ATAD3C: variants seen among roughly 807,000 people sequenced by gnomAD.
The protein encoded by ATAD3C is ATPase family AAA domain containing 3C, also known as ATPase family AAA domain-containing protein 3C.
In ATAD3C, 38 loss-of-function variants were observed where a neutral mutation model predicts 46.3. That is an observed-to-expected ratio of 0.82 (90% CI 0.63 to 1.08). The LOEUF (loss-of-function observed/expected upper bound fraction) is 1.08. Ranked by LOEUF, ATAD3C falls within the 50% of genes least tolerant of loss-of-function variation. ATAD3C has a pLI of 0.00. For synonymous variants in ATAD3C, 220 were observed against 236.4 expected (o/e 0.93, Z 0.63); for missense variants, 563 against 572.7 (o/e 0.98, Z 0.17).
chr1:1,459,780 G>T lies in ATAD3C; in HGVS notation c.812+549G>T, dbSNP rs935427245. On this transcript the variant is annotated intron_variant, in intron 9 of 11. Transcript: ENST00000378785. The surrounding 1 kb of genome is among the most constrained non-coding windows in gnomAD (Gnocchi z 4.9). ...CTGCCGCCCAGATGTCCCCCATAGG[G>T]TGACCGCCCCATGGCCAGTCTCCCT... 6.6e-6 allele frequency among the ~76,000 whole-genome samples: 1 copy of T among 152,030 alleles called. No individual in the cohort carries two copies. The highest frequency in any genetic ancestry group is 2.4e-5 in the African/African-American group (1 of 41,410).
rs182444317 is a variant in ATAD3C, at chr1:1,457,118, C to G, written c.690-11C>G. ...CACTCTCACCCAGCTTGGCCTCCCT[C>G]TCGTCCACAGCCTCCTGCTCTTTGT... On this transcript the variant is annotated splice_polypyrimidine_tract_variant and intron_variant, in intron 7 of 11. Coordinates refer to ENST00000378785, the MANE Select transcript of ATAD3C (RefSeq NM_001039211.3). 230 of 1,613,414 alleles carry G rather than the reference C, an allele frequency of 1.4e-4. No individual in the cohort carries two copies. In the African/African-American group the frequency reaches 2.5e-3, roughly 18 times the overall value.
intron 1 of ATAD3C, among the ~76,000 whole-genome samples, chr1:1,451,787 A>C (rs1695859): frequency 0.39 from 58,877 of 151,818 alleles, 15,893 homozygotes; most frequent in East Asian, 0.99. Flanking sequence ...GAGGTCGGCC[A>C]GCAGTGGCCC....
At chr1:1,467,470 T>G (rs1025471512) in intron 11 of ATAD3C, among the ~76,000 whole-genome samples, 1 of 151,836 alleles carries the variant, frequency 6.6e-6, no homozygotes, top group Non-Finnish European at 1.5e-5. Context: ...TGGCTCTTGG[T>G]GAGGGATGGG....
chr1:1,457,622 A>AAAAAAAAAG (rs1638988515), intron 8 of ATAD3C, among the ~76,000 whole-genome samples: 1 of 150,240 alleles, frequency 6.7e-6, no homozygotes, highest in African/African-American at 2.5e-5. Flanking sequence ...AAACAAAAAA[A>AAAAAAAAAG]ACAGCATTTT....
At chr1:1,463,352 C>T (rs138632088) in intron 11 of ATAD3C, among the ~76,000 whole-genome samples, 2 of 152,224 alleles carry the variant, frequency 1.3e-5, no homozygotes, top group East Asian at 1.9e-4. Flanking sequence ...GCACAGGCAT[C>T]GCTGCCTCTG....
At chr1:1,456,092 C>T (rs368548000) in intron 6 of ATAD3C, 133 bp from the exon 7 acceptor site, 34 of 1,415,624 alleles carry the variant, frequency 2.4e-5, no homozygotes, top group African/African-American at 1.6e-4. Context: ...AGGCGGGGGA[C>T]GTCTCCTGTC....
chr1:1,454,588 G>C (rs568682829), intron 4 of ATAD3C, 88 bp downstream of exon 4: 6 of 1,489,836 alleles, frequency 4.0e-6, no homozygotes, highest in Admixed American at 4.5e-5. Flanking sequence ...ATATACTCCT[G>C]TCCCTTCCCT....
At chr1:1,466,723 G>T (rs185145802) in intron 11 of ATAD3C, among the ~76,000 whole-genome samples, 1 of 151,926 alleles carries the variant, frequency 6.6e-6, no homozygotes, top group Admixed American at 6.6e-5. Context: ...AATAAATCCT[G>T]CTTGGTCAGG....
intron 7 of ATAD3C, among the ~76,000 whole-genome samples, 200 bp from the exon 8 acceptor site, chr1:1,456,929 A>G (rs551636710): frequency 7.0e-4 from 106 of 151,818 alleles, no homozygotes; most frequent in African/African-American, 1.8e-3. Context: ...CACTGGGCTG[A>G]GTGGGGGTGA....
At position 1,469,266 on chromosome 1, in the gene ATAD3C, A is replaced by G. The variant is rs946778510; in HGVS notation, c.*736A>G. The G allele has an allele frequency of 1.3e-5, 2 of 149,116 alleles. No individual in the cohort carries two copies. Among genetic ancestry groups the G allele is most frequent in the African/African-American group, 5.0e-5 (2 of 40,270 alleles). 9.2% of individuals were successfully genotyped at this position (149,116 alleles called of 1,614,324 possible). A position where few individuals can be genotyped will look rare whatever the true frequency, so the allele number is the denominator to read the frequency against. ...ATGGAATTGCACTGCAGCATGGGCAACAAGAGTCAAACTCCCTCTAAAAAA... is the reference window on the plus strand; with the variant it reads ...ATGGAATTGCACTGCAGCATGGGCAGCAAGAGTCAAACTCCCTCTAAAAAA... On this transcript the variant is annotated 3_prime_UTR_variant, in exon 12 of 12. Coordinates refer to ENST00000378785, the MANE Select transcript of ATAD3C (RefSeq NM_001039211.3).
In ATAD3C at chr1:1,450,392, T is replaced by C. The variant is rs1638834446; in HGVS notation, c.-292T>C. The C allele has an allele frequency of 2.7e-6, 1 of 371,230 alleles. No homozygotes were observed. The highest frequency in any genetic ancestry group is 5.0e-5 in the South Asian group (1 of 19,818). The allele number at this position is 371,230 out of a possible 1,614,324, so 23.0% of individuals were successfully genotyped here. A position where few individuals can be genotyped will look rare whatever the true frequency, so the allele number is the denominator to read the frequency against. The stretch of plus-strand genomic sequence containing the variant: ...ACTTTAGCCATCGCCTGACTTTCTG[T>C]TGAATTGGGAAAGAGCCTCCTCCCG... On this transcript the variant is annotated 5_prime_UTR_variant, in exon 1 of 12. Transcript: ENST00000378785.
At position 1,457,189 on chromosome 1, in the gene ATAD3C, C is replaced by T. The variant is rs1638977319; in HGVS notation, c.741+9C>T. On this transcript the variant is annotated intron_variant, in intron 8 of 11. Coordinates refer to ENST00000378785, the MANE Select transcript of ATAD3C (RefSeq NM_001039211.3). Reference sequence around the variant, plus strand: ...TTCGGAAGCGAGCCACTGTGAGTGTCACTAAGCCTCTGTCTGGCCACAGGA... The same window carrying T: ...TTCGGAAGCGAGCCACTGTGAGTGTTACTAAGCCTCTGTCTGGCCACAGGA... 1 of 1,613,388 alleles carries T rather than the reference C, an allele frequency of 6.2e-7. No homozygotes were observed. The highest frequency in any genetic ancestry group is 1.3e-5 in the African/African-American group (1 of 74,914).
chr1:1,466,589 G>A (rs1256449228), intron 11 of ATAD3C, among the ~76,000 whole-genome samples: 1 of 149,932 alleles, frequency 6.7e-6, no homozygotes, highest in Non-Finnish European at 1.5e-5. Context: ...TCCTGCAACA[G>A]TTGAGAGGGT....
chr1:1,460,393 A>G (rs1639035249), intron 9 of ATAD3C, among the ~76,000 whole-genome samples: 2 of 151,964 alleles, frequency 1.3e-5, no homozygotes, highest in South Asian at 2.1e-4. Flanking sequence ...CGTGGCCACA[A>G]TCTTGACATG....
chr1:1,467,201 C>G (rs758264263), intron 11 of ATAD3C, among the ~76,000 whole-genome samples: 3 of 152,076 alleles, frequency 2.0e-5, no homozygotes, highest in Non-Finnish European at 4.4e-5. Context: ...CCCGTGCTTC[C>G]TGGAGGGGTG....
Position 1,459,339 on chromosome 1 carries a change from G to A in ATAD3C, c.812+108G>A. 1 of 1,566,354 alleles carries A rather than the reference G, an allele frequency of 6.4e-7. No individual in the cohort carries two copies. The highest frequency in any genetic ancestry group is 2.0e-5 in the Admixed American group (1 of 51,094). On this transcript the variant is annotated intron_variant, in intron 9 of 11. Coordinates refer to ENST00000378785, the MANE Select transcript of ATAD3C (RefSeq NM_001039211.3). This position sits in a 1 kb window ranked among gnomAD's most constrained non-coding sequence, Gnocchi z 4.9. ...CCCTGGCTCACAGTGCTGGGCAGCT[G>A]CCGTGGCCTCAACGTGCCCACCTTG...
chr1:1,461,724 G>GAGGCTCCTCATGAGACCCCCATGTCGGA (rs1639070920), intron 10 of ATAD3C, among the ~76,000 whole-genome samples: 1 of 147,490 alleles, frequency 6.8e-6, no homozygotes, highest in African/African-American at 2.5e-5. Context: ...CCCATGTAGG[G>GAGGCTCCTCATGAGACCCCCATGTCGGA]ATTGGAGGGA....
chr1:1,457,763 C>T lies in ATAD3C; in HGVS notation c.741+583C>T, dbSNP rs569133692. ...GCGTGATCTCGGCTCACTGCAACCT[C>T]CGCCTCCCAGTGCAAGCGATTCTCC... On this transcript the variant is annotated intron_variant, in intron 8 of 11. Transcript: ENST00000378785. Among the ~76,000 whole-genome samples the T allele has an allele frequency of 8.6e-5, 13 of 151,688 alleles. No homozygotes were observed. In the South Asian group the frequency reaches 2.7e-3, roughly 32 times the overall value.
chr1:1,466,368 T>A (rs1639142619), intron 11 of ATAD3C, among the ~76,000 whole-genome samples: 1 of 151,224 alleles, frequency 6.6e-6, no homozygotes, highest in Admixed American at 6.6e-5. Context: ...CTGGCTAACA[T>A]GGTGAAACCC....
Sources: allele counts gnomAD v4.1 joint callset (sites outside exome capture counted in the v4.1 genomes callset), GRCh38; gene constraint gnomAD v4.1.1; non-coding constraint Gnocchi (gnomAD v3.1); transcripts MANE v1.5; gene names NCBI Gene and HGNC (gene_info 2026-07-23, HGNC 2026-07-21).